Variants in SUGCT observed in about 807,000 individuals in gnomAD.
SUGCT encodes the protein succinyl-CoA:glutarate-CoA transferase.
Under a neutral mutation model 55.0 loss-of-function variants are expected in SUGCT, and 41 were observed. The observed-to-expected ratio is 0.74, with a 90% confidence interval of 0.58 to 0.97. The LOEUF (loss-of-function observed/expected upper bound fraction) is 0.97, where lower values mean the gene tolerates loss of function less well. SUGCT is among the 50% of genes least tolerant of loss of function. The pLI, the probability that SUGCT is intolerant of heterozygous loss-of-function variation, is 0.00. For synonymous variants in SUGCT, 187 were observed against 200.4 expected (o/e 0.93, Z 0.56); for missense variants, 568 against 547.8 (o/e 1.04, Z -0.37).
chr7:40,181,262 C>T (rs932058200), intron 2 of SUGCT, among the ~76,000 whole-genome samples: 2 of 151,968 alleles, frequency 1.3e-5, no homozygotes, highest in Non-Finnish European at 2.9e-5. Flanking sequence ...ATATTTTAAA[C>T]ACAATGTTAT....
chr7:40,927,759 G>A, the SUGCT span, among the ~76,000 whole-genome samples: 1 of 152,136 alleles, frequency 6.6e-6, no homozygotes, highest in Non-Finnish European at 1.5e-5. Flanking sequence ...CCACTAAAAT[G>A]GGATATAGAA....
At chr7:40,514,044 C>G (rs1793095768) in intron 12 of SUGCT, among the ~76,000 whole-genome samples, 1 of 151,970 alleles carries the variant, frequency 6.6e-6, no homozygotes, top group South Asian at 2.1e-4. Context: ...CCCGCCTCGG[C>G]CTCCCAAAGT....
intron 7 of SUGCT, among the ~76,000 whole-genome samples, chr7:40,243,615 A>T (rs1789613731): frequency 6.6e-6 from 1 of 151,630 alleles, no homozygotes. Flanking sequence ...GTGTGTGTGT[A>T]TGTCTATATA....
chr7:40,345,165 A>G (rs1208313454), intron 9 of SUGCT, among the ~76,000 whole-genome samples: 1 of 152,196 alleles, frequency 6.6e-6, no homozygotes, highest in East Asian at 1.9e-4. Context: ...TTGAAGGGAG[A>G]ATAGAAGTTT....
chr7:40,609,828 G>T (rs942360587), intron 12 of SUGCT, among the ~76,000 whole-genome samples: 1 of 152,072 alleles, frequency 6.6e-6, no homozygotes, highest in Admixed American at 6.6e-5. Context: ...ATTTCAAAAC[G>T]CTAAGTGATT....
chr7:40,390,700 G>C (rs9648487), intron 9 of SUGCT, among the ~76,000 whole-genome samples: 123,661 of 152,082 alleles, frequency 0.81, 51,196 homozygotes, highest in Middle Eastern at 0.9. Flanking sequence ...TGAAAATGGC[G>C]ATACTGCCCA....
chr7:40,443,308 A>G (rs1314670375), intron 9 of SUGCT, among the ~76,000 whole-genome samples: 1 of 152,234 alleles, frequency 6.6e-6, no homozygotes, highest in African/African-American at 2.4e-5. Flanking sequence ...CCTGTCTTCC[A>G]CAATGGTTGA....
At chr7:40,965,567 A>T in the SUGCT span, 1 of 152,246 alleles carries the variant, frequency 6.6e-6, no homozygotes, top group African/African-American at 2.4e-5. Context: ...TCTAATGTCA[A>T]CATTATGAAT....
intron 11 of SUGCT, 23 bp from the exon 12 acceptor site, chr7:40,496,261 T>A (rs1038150019): frequency 6.4e-7 from 1 of 1,556,284 alleles, no homozygotes; most frequent in Non-Finnish European, 8.8e-7. Flanking sequence ...GTGTAAAAAA[T>A]TTATCCTTGT....
At chr7:40,664,665 T>C (rs1038614373) in intron 12 of SUGCT, among the ~76,000 whole-genome samples, 7 of 152,240 alleles carry the variant, frequency 4.6e-5, no homozygotes, top group Non-Finnish European at 1.0e-4. Context: ...ATGATGCTTA[T>C]AATCTTTTAA....
At chr7:40,993,588 G>T in the SUGCT span, among the ~76,000 whole-genome samples, 1 of 152,176 alleles carries the variant, frequency 6.6e-6, no homozygotes, top group African/African-American at 2.4e-5. Flanking sequence ...TTTCCTTCAT[G>T]AGTCTAGGGA....
chr7:41,017,640 G>A, the SUGCT span, among the ~76,000 whole-genome samples: 2 of 151,838 alleles, frequency 1.3e-5, no homozygotes, highest in Non-Finnish European at 2.9e-5. Context: ...GCGTGGTGGC[G>A]GGTGCCTATA....
At chr7:40,379,589 T>A (rs1333292464) in intron 9 of SUGCT, among the ~76,000 whole-genome samples, 1 of 152,216 alleles carries the variant, frequency 6.6e-6, no homozygotes, top group Non-Finnish European at 1.5e-5. Flanking sequence ...TTCTTTGTTG[T>A]ATGTGACCAC....
intron 12 of SUGCT, among the ~76,000 whole-genome samples, chr7:40,532,324 A>G (rs1794143049): frequency 1.3e-5 from 2 of 152,218 alleles, no homozygotes; most frequent in South Asian, 4.1e-4. Flanking sequence ...ATCAGGAAGA[A>G]AATAGTCATT....
intron 12 of SUGCT, among the ~76,000 whole-genome samples, chr7:40,641,345 A>G (rs916767232): frequency 7.2e-5 from 11 of 152,192 alleles, no homozygotes; most frequent in Admixed American, 5.2e-4. Flanking sequence ...TATCGAAAAA[A>G]TATGAAGATC....
At chr7:40,451,186 A>T (rs1012712070) in intron 10 of SUGCT, among the ~76,000 whole-genome samples, 2 of 151,530 alleles carry the variant, frequency 1.3e-5, no homozygotes, top group African/African-American at 2.4e-5. Flanking sequence ...ACGAGTACAG[A>T]TTTTCTTCCT....
chr7:40,329,717 AC>A lies in SUGCT; in HGVS notation c.816+12865del, dbSNP rs1191799680. Among the ~76,000 whole-genome samples, 9 of 151,916 alleles carry A rather than the reference AC, an allele frequency of 5.9e-5. No individual in the cohort carries two copies. The East Asian group carries it at 1.5e-3, about 26-fold the overall frequency. ...TGCACAGGTGATTTGTTTTCCTTAGACCCTTGTTGTCATTCTAATATGAGTC... is the reference window on the plus strand; with the variant it reads ...TGCACAGGTGATTTGTTTTCCTTAGACCTTGTTGTCATTCTAATATGAGTC... On this transcript the variant is annotated intron_variant, in intron 9 of 13. Transcript: ENST00000335693.
intron 7 of SUGCT, among the ~76,000 whole-genome samples, chr7:40,273,667 G>T (rs1792262415): frequency 6.6e-6 from 1 of 152,078 alleles, no homozygotes; most frequent in Non-Finnish European, 1.5e-5. Flanking sequence ...ATAATTTCAA[G>T]AATACAAGCA....
At position 40,841,243 on chromosome 7, in the gene SUGCT, C is replaced by T. The variant is rs573611411; in HGVS notation, c.1154-19073C>T. ...ACAAATGACAAATTATTCTTTTATT[C>T]ATTCATCAATAACTTTTTTACAGAC... On this transcript the variant is annotated intron_variant, in intron 13 of 13. Coordinates refer to ENST00000335693, the MANE Select transcript of SUGCT (RefSeq NM_001193313.2). 5.9e-5 allele frequency among the ~76,000 whole-genome samples: 9 copies of T among 152,152 alleles called. No homozygotes were observed. The South Asian group carries it at 1.7e-3, about 28-fold the overall frequency.
Sources: gnomAD v4.1 joint callset for allele counts (sites outside exome capture counted in the v4.1 genomes callset) on GRCh38, gnomAD v4.1.1 for gene constraint, MANE v1.5 for transcripts, NCBI Gene and HGNC (gene_info 2026-07-23, HGNC 2026-07-21) for gene names.